Variants in TBXAS1 observed in about 807,000 individuals in gnomAD.
The protein encoded by TBXAS1 is thromboxane-A synthase.
A neutral mutation model predicts 60.7 loss-of-function variants in TBXAS1; 48 were observed. The observed-to-expected ratio is 0.79, with a 90% CI of 0.63 to 1.01. TBXAS1 has a LOEUF of 1.01. TBXAS1 is among the 50% of genes least tolerant of loss of function. The pLI is 0.00. For synonymous variants in TBXAS1, 287 were observed against 269.7 expected, an observed-to-expected ratio of 1.06 and a Z score of -0.63; for missense variants, 685 against 686.3, an observed-to-expected ratio of 1.00 and a Z score of 0.02.
At position 140,015,841 on chromosome 7, in the gene TBXAS1, G is replaced by A. The variant is rs8192868; in HGVS notation, c.1345G>A (p.Glu449Lys). 0.019 allele frequency: 30,323 copies of A among 1,613,850 alleles called. 300 individuals are homozygous for A. The highest frequency in any genetic ancestry group is 0.022 in the Non-Finnish European group (25,709 of 1,180,036). The change falls in exon 11 of 13, where the codon GAG becomes AAG. Residue 449 changes from glutamate (E) to lysine (K), a missense_variant. Glu to Lys is a moderately conservative substitution (Grantham distance 56, BLOSUM62 1). Transcript: ENST00000448866. ...HHDPEHWPSP[E>K]TFNPERFTAE... Reference sequence around the variant, plus strand: ...TGACCCTGAGCACTGGCCAAGCCCGGAGACCTTCAACCCTGAAAGGTGAGT... The same window carrying A: ...TGACCCTGAGCACTGGCCAAGCCCGAAGACCTTCAACCCTGAAAGGTGAGT...
chr7:139,844,096 G>A (rs112572839), intron 1 of TBXAS1, among the ~76,000 whole-genome samples: 2 of 152,154 alleles, frequency 1.3e-5, no homozygotes, highest in Non-Finnish European at 2.9e-5. Flanking sequence ...AAATTGAAGA[G>A]CAAGACTGTA....
rs143042952 is a variant in TBXAS1, at chr7:139,833,668, C to G, written c.89+4189C>G. ...CCACTGCACTCTAGCCTGTGTGACACAGCAAGACTCTTTCTCAAAAAAATA... is the reference window on the plus strand; with the variant it reads ...CCACTGCACTCTAGCCTGTGTGACAGAGCAAGACTCTTTCTCAAAAAAATA... On this transcript the variant is annotated intron_variant, in intron 1 of 12. Transcript: ENST00000448866. Among the ~76,000 whole-genome samples, 52 of 151,734 alleles carry G rather than the reference C, an allele frequency of 3.4e-4. 1 individual carries two copies. The East Asian group carries it at 0.01, about 29-fold the overall frequency.
At chr7:140,018,962 C>T (rs1454610177) in intron 12 of TBXAS1, among the ~76,000 whole-genome samples, 1 of 152,242 alleles carries the variant, frequency 6.6e-6, no homozygotes, top group Non-Finnish European at 1.5e-5. Flanking sequence ...CGTCTCTGCA[C>T]AGCGTTAGCT....
Position 139,951,593 on chromosome 7 carries a change from TAAAAAAAAAAAAAAAAAA to T in TBXAS1, c.451-1762_451-1745del, listed in dbSNP as rs66551791. Reference sequence around the variant, plus strand: ...CAACATGGTGGAATCCCGTCTCTACTAAAAAAAAAAAAAAAAAAAAAAAAAAAAAATTAGCCAGGCATG... The same window carrying T: ...CAACATGGTGGAATCCCGTCTCTACTAAAAAAAAAAAATTAGCCAGGCATG... On this transcript the variant is annotated intron_variant, in intron 5 of 12. Transcript: ENST00000448866. Among the ~76,000 whole-genome samples the T allele has an allele frequency of 8.3e-4, 55 of 66,312 alleles. 1 individual carries two copies. The South Asian group carries it at 0.017, about 21-fold the overall frequency. The allele number at this position is 66,312 out of a possible 152,430, so 43.5% of individuals were successfully genotyped here.
At chr7:139,863,723 C>A (rs1281059749) in intron 1 of TBXAS1, among the ~76,000 whole-genome samples, 1 of 152,058 alleles carries the variant, frequency 6.6e-6, no homozygotes, top group African/African-American at 2.4e-5. Context: ...CAACAAGGAA[C>A]AAAGTCTCAA....
intron 4 of TBXAS1, among the ~76,000 whole-genome samples, chr7:139,806,311 G>C (rs1249213759): frequency 6.8e-6 from 1 of 146,616 alleles, no homozygotes; most frequent in Non-Finnish European, 1.5e-5. Flanking sequence ...CACTCAGTCT[G>C]GAGTGCAGTG....
Position 139,927,160 on chromosome 7 carries a change from A to ATT in TBXAS1, c.334-9016_334-9015dup, listed in dbSNP as rs58381325. Among the ~76,000 whole-genome samples, 790 of 129,624 alleles carry ATT rather than the reference A, an allele frequency of 6.1e-3. 8 individuals carry two copies. The highest frequency in any genetic ancestry group is 0.026 in the South Asian group (107 of 4,058). The allele number at this position is 129,624 out of a possible 152,430, so 85.0% of individuals were successfully genotyped here. A position where few individuals can be genotyped will look rare whatever the true frequency, so the allele number is the denominator to read the frequency against. ...CAGGCGTGCACCACCACGCCCGGCTATTTTTTTTTTTTTTTTCCGTACAGA... is the reference window on the plus strand; with the variant it reads ...CAGGCGTGCACCACCACGCCCGGCTATTTTTTTTTTTTTTTTTTCCGTACAGA... On this transcript the variant is annotated intron_variant, in intron 4 of 12. Transcript: ENST00000448866.
intron 9 of TBXAS1, among the ~76,000 whole-genome samples, chr7:139,982,026 T>A (rs559622682): frequency 3.9e-5 from 6 of 152,366 alleles, no homozygotes; most frequent in Non-Finnish European, 7.3e-5. Flanking sequence ...GTTAAAAGTC[T>A]TAATCTTCTG....
At chr7:139,932,201 A>C (rs1433472711) in intron 4 of TBXAS1, among the ~76,000 whole-genome samples, 1 of 149,842 alleles carries the variant, frequency 6.7e-6, no homozygotes, top group Non-Finnish European at 1.5e-5. Flanking sequence ...AAGATGGTGG[A>C]TTTTATGTTA....
At chr7:139,938,159 G>A (rs545178713) in intron 5 of TBXAS1, among the ~76,000 whole-genome samples, 6 of 152,268 alleles carry the variant, frequency 3.9e-5, no homozygotes, top group East Asian at 1.9e-4. Context: ...GCTGGCCCGC[G>A]GCCCACATGT....
At position 139,805,712 on chromosome 7, in the gene TBXAS1, T is replaced by TTCTTTCTTTCTTTC. The variant is rs753031062; in HGVS notation, c.-80+18289_-80+18290insTTCTTTCTTTCTCT. Among the ~76,000 whole-genome samples, 386 of 44,308 alleles carry TTCTTTCTTTCTTTC rather than the reference T, an allele frequency of 8.7e-3. 1 individual carries two copies. Among genetic ancestry groups the TTCTTTCTTTCTTTC allele is most frequent in the African/African-American group, 0.015 (179 of 12,342 alleles). 29.1% of individuals were successfully genotyped at this position (44,308 alleles called of 152,430 possible). A position where few individuals can be genotyped will look rare whatever the true frequency, so the allele number is the denominator to read the frequency against. On this transcript the variant is annotated intron_variant, in intron 4 of 16. Coordinates refer to the TBXAS1 transcript ENST00000336425. ...TTTCTTTCTTTCTTTCTTTCTTTCT[T>TTCTTTCTTTCTTTC]TCTCTCTCTCTCTCTCTCTTTCTTT...
chr7:139,898,565 G>T (rs1308834685), intron 3 of TBXAS1, among the ~76,000 whole-genome samples: 1 of 152,004 alleles, frequency 6.6e-6, no homozygotes, highest in African/African-American at 2.4e-5. Context: ...GACCTCAGGT[G>T]ATCCGCAAGT....
At chr7:139,867,098 T>C (rs1475799749) in intron 1 of TBXAS1, among the ~76,000 whole-genome samples, 1 of 152,250 alleles carries the variant, frequency 6.6e-6, no homozygotes, top group African/African-American at 2.4e-5. Flanking sequence ...GTTGAAACCA[T>C]AGAGTAACCA....
At chr7:139,860,612 G>A (rs909126804) in intron 1 of TBXAS1, among the ~76,000 whole-genome samples, 4 of 152,186 alleles carry the variant, frequency 2.6e-5, no homozygotes, top group African/African-American at 7.2e-5. Context: ...TTGTCAGAGC[G>A]AGAGAAGGCA....
intron 9 of TBXAS1, among the ~76,000 whole-genome samples, chr7:139,984,122 C>T (rs1812161442): frequency 6.6e-6 from 1 of 152,234 alleles, no homozygotes; most frequent in South Asian, 2.1e-4. Context: ...GACCCCTTAC[C>T]CGGCCATGTG....
At chr7:139,877,198 G>C (rs907017868) in intron 3 of TBXAS1, among the ~76,000 whole-genome samples, 2 of 152,190 alleles carry the variant, frequency 1.3e-5, no homozygotes, top group Admixed American at 1.3e-4. Context: ...TCGGATGGAC[G>C]AGCGGGGAGG....
chr7:140,008,299 A>G (rs1460626922), intron 10 of TBXAS1, among the ~76,000 whole-genome samples: 1 of 152,132 alleles, frequency 6.6e-6, no homozygotes, highest in African/African-American at 2.4e-5. Flanking sequence ...CAAGCACACA[A>G]GGTTTTGGGT....
In TBXAS1 at chr7:140,020,026, T is replaced by A; in HGVS notation, c.1529T>A (p.Val510Glu). Residue 510 changes from valine (V) to glutamate (E), a missense_variant and splice_region_variant, in exon 13 of 13, where the codon GTA becomes GAA. Coordinates refer to ENST00000448866, the MANE Select transcript of TBXAS1 (RefSeq NM_001061.7). ...ATATTTTAATTTTCTCTATTTTAGG[T>A]ACCGCTGCAGCTAGAATCCAAATCT... Reference protein sequence around the residue: ...FRFQACPETQVPLQLESKSAL... With the variant: ...FRFQACPETQEPLQLESKSAL... 1 of 1,613,652 alleles carries A rather than the reference T, an allele frequency of 6.2e-7. No homozygotes were observed. Among genetic ancestry groups the A allele is most frequent in the Non-Finnish European group, 8.5e-7 (1 of 1,179,760 alleles).
chr7:139,892,466 A>C (rs1486416358), intron 3 of TBXAS1, among the ~76,000 whole-genome samples: 1 of 151,992 alleles, frequency 6.6e-6, no homozygotes, highest in African/African-American at 2.4e-5. Context: ...GGTGCCGCGC[A>C]CCTGTAATCC....
Sources: gnomAD v4.1 joint callset for allele counts (sites outside exome capture counted in the v4.1 genomes callset) on GRCh38, gnomAD v4.1.1 for gene constraint, MANE v1.5 for transcripts, NCBI Gene and HGNC (gene_info 2026-07-23, HGNC 2026-07-21) for gene names.